LRRC56: variants seen among roughly 807,000 people sequenced by gnomAD.
LRRC56 encodes leucine rich repeat containing 56.
Under a neutral mutation model 47.8 loss-of-function variants are expected in LRRC56, and 41 were observed. The observed-to-expected ratio is 0.86, with a 90% CI of 0.67 to 1.11. LRRC56 has a LOEUF of 1.11. Among genes scored for constraint, LRRC56 ranks in the 50% most tolerant of loss-of-function variants. LRRC56 has a pLI of 0.00. For missense variants in LRRC56, 759 were observed against 704.2 expected, an observed-to-expected ratio of 1.08 and a Z score of -0.88; for synonymous variants, 387 against 311.2, an observed-to-expected ratio of 1.24 and a Z score of -2.56.
At chr11:517,034 G>A in the LRRC56 span, among the ~76,000 whole-genome samples, 2 of 152,308 alleles carry the variant, frequency 1.3e-5, no homozygotes, top group African/African-American at 4.8e-5. Flanking sequence ...ATTTTTGGAG[G>A]AGACGGGGTT....
Position 551,933 on chromosome 11 carries a change from C to T in LRRC56, c.1004C>T (p.Thr335Ile), listed in dbSNP as rs372814611. Residue 335 changes from threonine to isoleucine, a missense_variant, in exon 11 of 14, where the codon ACC (threonine) becomes ATC (isoleucine). By Grantham distance (89) the Thr-to-Ile change is moderately conservative. Transcript: ENST00000270115. ...GAGQVLCGNP[T>I]KGLRERRHQC... The stretch of plus-strand genomic sequence containing the variant: ...GGCCAAGTCCTCTGTGGGAACCCCA[C>T]CAAGGGCCTGCGGGAGCGTAGGCAC... 6.2e-7 allele frequency: 1 copy of T among 1,612,714 alleles called. No individual in the cohort carries two copies. The highest frequency in any genetic ancestry group is 1.7e-5 in the Admixed American group (1 of 60,000).
the LRRC56 span, among the ~76,000 whole-genome samples, chr11:531,110 G>C: frequency 1.5e-4 from 20 of 133,232 alleles, no homozygotes; most frequent in South Asian, 2.4e-4. Flanking sequence ...GTCCCCTGGA[G>C]AGAAGGGGGA....
the LRRC56 span, among the ~76,000 whole-genome samples, chr11:512,643 A>G: frequency 4.6e-5 from 7 of 152,242 alleles, no homozygotes; most frequent in Admixed American, 1.3e-4. Flanking sequence ...CCACTCTTCT[A>G]GCCCTCATAC....
upstream of LRRC56, chr11:534,600 C>T (rs1408694016): frequency 1.8e-6 from 1 of 550,852 alleles, no homozygotes; most frequent in Non-Finnish European, 3.3e-6. Flanking sequence ...GGAAAAGGGA[C>T]CCAGCCCTCA....
the LRRC56 span, among the ~76,000 whole-genome samples, chr11:519,026 C>T: frequency 3.8e-4 from 58 of 152,340 alleles, no homozygotes; most frequent in Non-Finnish European, 6.6e-4. Flanking sequence ...GAGGCTTCTC[C>T]GAAAGCCGCG....
At chr11:527,750 G>T in the LRRC56 span, among the ~76,000 whole-genome samples, 3 of 146,576 alleles carry the variant, frequency 2.0e-5, no homozygotes, top group African/African-American at 7.7e-5. Context: ...GCCCAGGCTG[G>T]AGTGCAATTC....
intron 6 of LRRC56, among the ~76,000 whole-genome samples, chr11:546,102 C>T (rs1852063122): frequency 6.6e-6 from 1 of 151,986 alleles, no homozygotes; most frequent in Non-Finnish European, 1.5e-5. Context: ...GAAATCCCAT[C>T]TCTACTAAAA....
intron 5 of LRRC56, among the ~76,000 whole-genome samples, chr11:544,505 T>G (rs559890348): frequency 6.6e-6 from 1 of 152,246 alleles, no homozygotes; most frequent in South Asian, 2.1e-4. Flanking sequence ...CCAGGCCCCA[T>G]AGAATCAGCA....
At chr11:518,787 C>T in the LRRC56 span, among the ~76,000 whole-genome samples, 1 of 152,116 alleles carries the variant, frequency 6.6e-6, no homozygotes, top group East Asian at 1.9e-4. Context: ...CCGGAGAGGA[C>T]TCGCGGCGCC....
chr11:527,474 T>G, the LRRC56 span, among the ~76,000 whole-genome samples: 1 of 152,126 alleles, frequency 6.6e-6, no homozygotes, highest in Non-Finnish European at 1.5e-5. Flanking sequence ...GCTTCTGAGT[T>G]TGACTGCCTC....
At chr11:545,724 G>T (rs903562372) in intron 6 of LRRC56, among the ~76,000 whole-genome samples, 5 of 152,166 alleles carry the variant, frequency 3.3e-5, no homozygotes, top group African/African-American at 1.2e-4. Context: ...AAGGCTGAAG[G>T]AACATCCGAC....
chr11:515,414 G>A, the LRRC56 span, among the ~76,000 whole-genome samples: 1 of 152,144 alleles, frequency 6.6e-6, no homozygotes, highest in African/African-American at 2.4e-5. Flanking sequence ...GATGTCCAGT[G>A]GATCAGGTTT....
chr11:554,127 G>A lies in LRRC56; in HGVS notation c.1480G>A (p.Ala494Thr). 6.2e-7 allele frequency: 1 copy of A among 1,604,162 alleles called. No individual in the cohort carries two copies. The highest frequency in any genetic ancestry group is 1.1e-5 in the South Asian group (1 of 90,716). The change falls in exon 14 of 14, where the codon GCT (alanine) becomes ACT (threonine). Residue 494 changes from alanine to threonine, a missense_variant. Ala to Thr is a moderately conservative substitution (Grantham distance 58). Coordinates refer to ENST00000270115, the MANE Select transcript of LRRC56 (RefSeq NM_198075.4). ...SWGPGLGDGV[A>T]AVPVLRALEV... The stretch of plus-strand genomic sequence containing the variant: ...GGGGCCTGGCCTGGGTGATGGGGTG[G>A]CTGCAGTGCCTGTCCTGAGAGCCCT...
At chr11:549,142 T>C (rs943394209) in intron 6 of LRRC56, among the ~76,000 whole-genome samples, 1 of 152,142 alleles carries the variant, frequency 6.6e-6, no homozygotes, top group African/African-American at 2.4e-5. Context: ...AGTCACAGCC[T>C]ACGGGTGCCG....
At chr11:522,414 C>T in the LRRC56 span, among the ~76,000 whole-genome samples, 1 of 152,006 alleles carries the variant, frequency 6.6e-6, no homozygotes, top group Non-Finnish European at 1.5e-5. Flanking sequence ...TACAGGCGGC[C>T]GCCACCACGC....
the LRRC56 span, among the ~76,000 whole-genome samples, chr11:520,386 T>C: frequency 6.6e-6 from 1 of 152,122 alleles, no homozygotes; most frequent in African/African-American, 2.4e-5. Context: ...AATGGTGCGA[T>C]CTCGGCTCTC....
chr11:551,060 G>A lies in LRRC56; in HGVS notation c.625-71G>A, dbSNP rs1189614265. 6.4e-6 allele frequency: 6 copies of A among 931,982 alleles called. No homozygotes were observed. In the South Asian group the frequency reaches 1.2e-4, roughly 19 times the overall value. 57.7% of individuals were successfully genotyped at this position (931,982 alleles called of 1,614,324 possible). ...ACGGTGGGTCTGGGAAAGGGAGCCA[G>A]GGAAAGAGCTGGCCGGAAGGAAACA... On this transcript the variant is annotated intron_variant, in intron 8 of 13. Coordinates refer to ENST00000270115, the MANE Select transcript of LRRC56 (RefSeq NM_198075.4).
chr11:533,606 C>A (rs199656012), upstream of LRRC56: 12 of 1,613,846 alleles, frequency 7.4e-6, no homozygotes, highest in Admixed American at 1.7e-5. Context: ...CCCGTTTGAT[C>A]TGCTCCCTGA....
At chr11:507,122 A>G in the LRRC56 span, 1 of 152,210 alleles carries the variant, frequency 6.6e-6, no homozygotes, top group Non-Finnish European at 1.5e-5. Flanking sequence ...CCTCGGGACG[A>G]CTGGCGGACG....
Sources: gnomAD v4.1 joint callset for allele counts (sites outside exome capture counted in the v4.1 genomes callset) on GRCh38, gnomAD v4.1.1 for gene constraint, MANE v1.5 for transcripts, NCBI Gene and HGNC (gene_info 2026-07-23, HGNC 2026-07-21) for gene names.